Variants in RMDN1 observed in about 807,000 individuals in gnomAD.
RMDN1 encodes the protein regulator of microtubule dynamics 1.
In RMDN1, 48 loss-of-function variants were observed where a neutral mutation model predicts 48.9. The ratio of observed to expected loss-of-function variants is 0.98; its 90% CI spans 0.78 to 1.25. The LOEUF is 1.25. Ranked by LOEUF, RMDN1 falls within the 50% of genes most tolerant of loss-of-function variation. The pLI is 0.00. For synonymous variants in RMDN1, 148 were observed against 132.6 expected, an observed-to-expected ratio of 1.12 and a Z score of -0.80; for missense variants, 418 against 373.4, an observed-to-expected ratio of 1.12 and a Z score of -0.98.
chr8:86,477,647 A>G (rs1813613456), intron 7 of RMDN1, among the ~76,000 whole-genome samples: 1 of 152,210 alleles, frequency 6.6e-6, no homozygotes, highest in African/African-American at 2.4e-5. Flanking sequence ...TTAAATCATA[A>G]CTAGTGATTT....
chr8:86,504,598 C>T (rs1219699680), intron 2 of RMDN1: 1 of 999,734 alleles, frequency 1.0e-6, no homozygotes, highest in Non-Finnish European at 1.6e-6. Context: ...TATGATAGGC[C>T]TTGGAGGGAT....
intron 2 of RMDN1, 91 bp downstream of exon 2, chr8:86,506,904 C>A: frequency 1.4e-6 from 1 of 700,108 alleles, no homozygotes; most frequent in African/African-American, 1.8e-5. Context: ...CTATTATTAA[C>A]ATTACCCTGA....
At position 86,472,567 on chromosome 8, in the gene RMDN1, GT is replaced by G. The variant is rs1812718244; in HGVS notation, c.*1740del. ...CTGAAAGCCTGCCATTGTTGTTGCC[GT>G]TTAACAGCTGATACAGGTTTCTGGT... On this transcript the variant is annotated 3_prime_UTR_variant, in exon 10 of 10. Coordinates refer to ENST00000406452, the MANE Select transcript of RMDN1 (RefSeq NM_016033.3). 2 of 686,080 alleles carry G rather than the reference GT, an allele frequency of 2.9e-6. No individual in the cohort carries two copies. Among genetic ancestry groups the G allele is most frequent in the Non-Finnish European group, 5.3e-6 (2 of 378,530 alleles). 42.5% of individuals were successfully genotyped at this position (686,080 alleles called of 1,614,324 possible). A position where few individuals can be genotyped will look rare whatever the true frequency, so the allele number is the denominator to read the frequency against.
chr8:86,473,212 T>C lies in RMDN1; in HGVS notation c.*1096A>G. The stretch of plus-strand genomic sequence containing the variant: ...CATACAGTTCATTGTAACATTACAA[T>C]TCCCAAATCCTTTGGGAAAAATCCA... On this transcript the variant is annotated 3_prime_UTR_variant, in exon 10 of 10. Coordinates refer to ENST00000406452, the MANE Select transcript of RMDN1 (RefSeq NM_016033.3). The C allele has an allele frequency of 1.0e-6, 1 of 978,202 alleles. No individual in the cohort carries two copies. The allele number at this position is 978,202 out of a possible 1,614,324, so 60.6% of individuals were successfully genotyped here.
Position 86,474,302 on chromosome 8 carries a change from A to G in RMDN1, c.*6T>C, listed in dbSNP as rs776351542. The G allele has an allele frequency of 1.9e-6, 3 of 1,613,478 alleles. No individual in the cohort carries two copies. The highest frequency in any genetic ancestry group is 2.5e-6 in the Non-Finnish European group (3 of 1,179,766). On this transcript the variant is annotated 3_prime_UTR_variant, in exon 10 of 10. Coordinates refer to ENST00000406452, the MANE Select transcript of RMDN1 (RefSeq NM_016033.3). ...AGCTATTTCATAAATCTTCTCTGAA[A>G]AGTTCTCAATTCTTCTCACTGAAAC...
At chr8:86,505,148 G>A in intron 2 of RMDN1, 1 of 1,222,476 alleles carries the variant, frequency 8.2e-7, no homozygotes. Flanking sequence ...ATGAACCCAG[G>A]ACTGCTTCTG....
intron 2 of RMDN1, chr8:86,503,652 A>G: frequency 2.0e-6 from 1 of 495,306 alleles, no homozygotes; most frequent in East Asian, 5.4e-5. Flanking sequence ...CAAGTTGGCT[A>G]CAACACGGGA....
At chr8:86,480,923 T>C (rs1051105931) in intron 5 of RMDN1, among the ~76,000 whole-genome samples, 8 of 152,150 alleles carry the variant, frequency 5.3e-5, no homozygotes, top group Non-Finnish European at 1.2e-4. Flanking sequence ...AGAATAATTA[T>C]GTGCAATGTA....
chr8:86,482,715 G>A (rs185038986), intron 5 of RMDN1: 83 of 999,336 alleles, frequency 8.3e-5, no homozygotes, highest in East Asian at 6.2e-4. Context: ...CTTTGGTGTC[G>A]GTTCCATCAC....
chr8:86,498,852 T>C (rs1021926634), intron 2 of RMDN1, among the ~76,000 whole-genome samples: 5 of 125,370 alleles, frequency 4.0e-5, no homozygotes, highest in Non-Finnish European at 8.8e-5. Flanking sequence ...CAGCAGCACA[T>C]TGAAAAGATA....
upstream of RMDN1, among the ~76,000 whole-genome samples, chr8:86,509,149 G>C (rs1484001121): frequency 6.6e-6 from 1 of 152,042 alleles, no homozygotes; most frequent in Non-Finnish European, 1.5e-5. Context: ...TCGACTGAGC[G>C]ACTCAAGGGG....
chr8:86,510,592 T>C (rs1820000530), upstream of RMDN1, among the ~76,000 whole-genome samples: 1 of 152,178 alleles, frequency 6.6e-6, no homozygotes, highest in South Asian at 2.1e-4. Context: ...ATTGCAGCCT[T>C]GGCCAATATC....
At chr8:86,503,732 C>T in intron 2 of RMDN1, 1 of 478,222 alleles carries the variant, frequency 2.1e-6, no homozygotes, top group South Asian at 1.7e-5. Context: ...GGCAAATATC[C>T]CTCCCTCTGA....
upstream of RMDN1, chr8:86,508,793 C>A: frequency 7.4e-7 from 1 of 1,343,882 alleles, no homozygotes; most frequent in South Asian, 1.9e-5. Context: ...GGTGCACGGG[C>A]TTAGGGGGTG....
In RMDN1 at chr8:86,473,995, A is replaced by G. The variant is rs1812943063; in HGVS notation, c.*313T>C. 2.8e-6 allele frequency: 3 copies of G among 1,078,682 alleles called. No homozygotes were observed. Among genetic ancestry groups the G allele is most frequent in the Non-Finnish European group, 3.4e-6 (3 of 889,128 alleles). The allele number at this position is 1,078,682 out of a possible 1,614,324, so 66.8% of individuals were successfully genotyped here. ...TAGATCCATTTCCCCTCCTCTACAA[A>G]TATTTCTTTGCTTGATCTCCCATCC... On this transcript the variant is annotated 3_prime_UTR_variant, in exon 10 of 10. Coordinates refer to ENST00000406452, the MANE Select transcript of RMDN1 (RefSeq NM_016033.3).
intron 4 of RMDN1, among the ~76,000 whole-genome samples, chr8:86,486,072 A>C (rs1051268988): frequency 1.3e-5 from 2 of 152,238 alleles, no homozygotes; most frequent in East Asian, 3.8e-4. Context: ...TCTAGGTCTC[A>C]GTTGTCTAGC....
In RMDN1 at chr8:86,473,583, T is replaced by C. The variant is rs1397737311; in HGVS notation, c.*725A>G. The stretch of plus-strand genomic sequence containing the variant: ...GAGTTTGAGACCAGCCTAGCCAACA[T>C]GGCAAAACCCCATCTCTACCAAAAA... On this transcript the variant is annotated 3_prime_UTR_variant, in exon 10 of 10. Coordinates refer to ENST00000406452, the MANE Select transcript of RMDN1 (RefSeq NM_016033.3). The C allele has an allele frequency of 8.3e-6, 4 of 480,912 alleles. No homozygotes were observed. Among genetic ancestry groups the C allele is most frequent in the Non-Finnish European group, 1.1e-5 (4 of 369,306 alleles). The allele number at this position is 480,912 out of a possible 1,614,324, so 29.8% of individuals were successfully genotyped here. A position where few individuals can be genotyped will look rare whatever the true frequency, so the allele number is the denominator to read the frequency against.
At chr8:86,497,387 G>C (rs1817535911) in intron 2 of RMDN1, among the ~76,000 whole-genome samples, 1 of 152,080 alleles carries the variant, frequency 6.6e-6, no homozygotes, top group African/African-American at 2.4e-5. Context: ...AAAATTTATA[G>C]ACTGCCAGCT....
chr8:86,493,014 A>G (rs138893679), intron 2 of RMDN1, among the ~76,000 whole-genome samples: 75 of 152,112 alleles, frequency 4.9e-4, no homozygotes, highest in African/African-American at 1.7e-3. Flanking sequence ...TAAAAAAAAA[A>G]AACAGCAAAT....
Sources: gnomAD v4.1 joint callset for allele counts (sites outside exome capture counted in the v4.1 genomes callset) on GRCh38, gnomAD v4.1.1 for gene constraint, MANE v1.5 for transcripts, NCBI Gene and HGNC (gene_info 2026-07-23, HGNC 2026-07-21) for gene names.